Variants in ROBO1 observed in about 807,000 individuals in gnomAD.
The protein encoded by ROBO1 is roundabout homolog 1.
Under a neutral mutation model 195.9 loss-of-function variants are expected in ROBO1, and 149 were observed. That is an observed-to-expected ratio of 0.76 (90% CI 0.67 to 0.87). The LOEUF is 0.87. Among genes scored for constraint, ROBO1 ranks in the 40% least tolerant of loss-of-function variants. ROBO1 has a pLI of 0.00. For synonymous variants in ROBO1, 816 were observed against 733.2 expected, an observed-to-expected ratio of 1.11 and a Z score of -1.82; for missense variants, 1,933 against 2,068.3, an observed-to-expected ratio of 0.93 and a Z score of 1.27.
chr3:79,052,040 G>T (rs773853324), intron 3 of ROBO1, among the ~76,000 whole-genome samples: 12 of 152,070 alleles, frequency 7.9e-5, no homozygotes, highest in African/African-American at 2.9e-4. Context: ...GGATAACAGC[G>T]ATTTTCAGGG....
chr3:78,764,864 T>C (rs1278610815), intron 4 of ROBO1, among the ~76,000 whole-genome samples: 3 of 152,098 alleles, frequency 2.0e-5, no homozygotes, highest in African/African-American at 7.2e-5. Flanking sequence ...CATTCTGTCA[T>C]CATGACAGCT....
intron 2 of ROBO1, among the ~76,000 whole-genome samples, chr3:79,524,786 G>C (rs776418172): frequency 2.0e-5 from 3 of 152,026 alleles, no homozygotes; most frequent in Non-Finnish European, 4.4e-5. Flanking sequence ...GATCATAAAG[G>C]TTGTATATTT....
At chr3:79,552,267 TATTAAAGATGC>T (rs1396808933) in intron 2 of ROBO1, among the ~76,000 whole-genome samples, 1 of 152,014 alleles carries the variant, frequency 6.6e-6, no homozygotes, top group Non-Finnish European at 1.5e-5. Flanking sequence ...AATATTAACA[TATTAAAGATGC>T]AGAAAAGATG....
intron 1 of ROBO1, among the ~76,000 whole-genome samples, chr3:79,706,659 G>T (rs988521043): frequency 9.9e-5 from 15 of 151,948 alleles, no homozygotes; most frequent in Non-Finnish European, 2.1e-4. Context: ...TGGTTTTATG[G>T]GGGCGGGGGT....
At chr3:79,344,849 G>T (rs2035050798) in intron 2 of ROBO1, among the ~76,000 whole-genome samples, 1 of 152,048 alleles carries the variant, frequency 6.6e-6, no homozygotes, top group Admixed American at 6.6e-5. Context: ...GCCCATGCTG[G>T]TCTCATAATA....
At chr3:79,627,438 G>A (rs1338545430) in intron 1 of ROBO1, among the ~76,000 whole-genome samples, 1 of 152,134 alleles carries the variant, frequency 6.6e-6, no homozygotes. Flanking sequence ...TGGGAAAACT[G>A]GCTAGCCATA....
intron 8 of ROBO1, among the ~76,000 whole-genome samples, chr3:78,694,333 T>G (rs1019287179): frequency 6.6e-6 from 1 of 152,110 alleles, no homozygotes; most frequent in African/African-American, 2.4e-5. Flanking sequence ...TTTCAGCAAA[T>G]CAAAATTAAT....
intron 8 of ROBO1, among the ~76,000 whole-genome samples, chr3:78,704,689 A>C (rs906600359): frequency 2.7e-5 from 4 of 150,500 alleles, no homozygotes; most frequent in Non-Finnish European, 4.4e-5. Flanking sequence ...AAAAGGAAAG[A>C]AAAGAAATTA....
At chr3:78,636,206 AT>A in intron 22 of ROBO1, 98 bp from the exon 23 acceptor site, 1 of 838,302 alleles carries the variant, frequency 1.2e-6, no homozygotes, top group South Asian at 1.8e-5. Context: ...GAAAATCGTT[AT>A]GTAAAGTACA....
intron 2 of ROBO1, among the ~76,000 whole-genome samples, chr3:79,135,720 T>C (rs1284710174): frequency 6.6e-6 from 1 of 151,906 alleles, no homozygotes; most frequent in Admixed American, 6.6e-5. Flanking sequence ...TCACCGCAAC[T>C]TTCGCCTCCT....
intron 7 of ROBO1, among the ~76,000 whole-genome samples, chr3:78,715,708 T>C (rs2081886447): frequency 6.6e-6 from 1 of 152,146 alleles, no homozygotes; most frequent in Non-Finnish European, 1.5e-5. Flanking sequence ...GGCTAATTTT[T>C]GTATTTTAGT....
intron 2 of ROBO1, among the ~76,000 whole-genome samples, chr3:79,504,393 A>T (rs1266107466): frequency 6.6e-6 from 1 of 152,156 alleles, no homozygotes; most frequent in Non-Finnish European, 1.5e-5. Flanking sequence ...GCTTTGTAAA[A>T]TGCTGAAAAT....
At chr3:79,443,047 A>G (rs1160405828) in intron 2 of ROBO1, among the ~76,000 whole-genome samples, 1 of 152,160 alleles carries the variant, frequency 6.6e-6, no homozygotes, top group Non-Finnish European at 1.5e-5. Flanking sequence ...CATTCCTTAG[A>G]ATCTTATCAA....
rs562020513 is a variant in ROBO1, at chr3:78,959,976, T to C, written c.173-21049A>G. Among the ~76,000 whole-genome samples, 17 of 152,150 alleles carry C rather than the reference T, an allele frequency of 1.1e-4. No homozygotes were observed. The East Asian group carries it at 2.7e-3, about 24-fold the overall frequency. On this transcript the variant is annotated intron_variant, in intron 3 of 30. Coordinates refer to ENST00000464233, the MANE Select transcript of ROBO1 (RefSeq NM_002941.4). The stretch of plus-strand genomic sequence containing the variant: ...AGGGTGGCATGATTAAATTGTAAGA[T>C]TGAAAAAACAGCCAGCTATTTCTGC...
intron 4 of ROBO1, among the ~76,000 whole-genome samples, chr3:78,757,248 TTGCAAATGAGGACACATAGGTGA>T (rs1449112852): frequency 2.0e-5 from 3 of 152,170 alleles, no homozygotes; most frequent in African/African-American, 7.2e-5. Context: ...CCACTCGCAA[TTGCAAATGAGGACACATAGGTGA>T]TGCAAGGACT....
intron 2 of ROBO1, among the ~76,000 whole-genome samples, chr3:79,249,915 C>T (rs905440720): frequency 6.6e-6 from 1 of 151,926 alleles, no homozygotes; most frequent in Admixed American, 6.6e-5. Context: ...AAAATGGGTG[C>T]CAAAGAAGCC....
intron 3 of ROBO1, among the ~76,000 whole-genome samples, chr3:79,095,429 TC>T (rs1443582997): frequency 6.6e-6 from 1 of 151,984 alleles, no homozygotes; most frequent in African/African-American, 2.4e-5. Context: ...TATGGAGATT[TC>T]CATGTTTCAA....
At chr3:79,557,684 G>T (rs1197373205) in intron 2 of ROBO1, among the ~76,000 whole-genome samples, 4 of 133,810 alleles carry the variant, frequency 3.0e-5, no homozygotes, top group African/African-American at 1.2e-4. Flanking sequence ...GGTGACCCGA[G>T]ATCGCGCCAC....
intron 1 of ROBO1, among the ~76,000 whole-genome samples, chr3:79,648,761 T>C (rs1945910343): frequency 6.6e-6 from 1 of 152,000 alleles, no homozygotes; most frequent in African/African-American, 2.4e-5. Flanking sequence ...AAAAGCATGG[T>C]AGTAAAACTG....
Sources: allele counts gnomAD v4.1 joint callset (sites outside exome capture counted in the v4.1 genomes callset), GRCh38; gene constraint gnomAD v4.1.1; transcripts MANE v1.5; gene names NCBI Gene and HGNC (gene_info 2026-07-23, HGNC 2026-07-21).